Variants in TANGO6 observed in about 807,000 individuals in gnomAD.
TANGO6 encodes transport and golgi organization 6 homolog.
Under a neutral mutation model 114.2 loss-of-function variants are expected in TANGO6, and 90 were observed. The observed-to-expected ratio is 0.79, with a 90% confidence interval of 0.66 to 0.94. The LOEUF (loss-of-function observed/expected upper bound fraction) is 0.94, where lower values mean the gene tolerates loss of function less well. TANGO6 is among the 40% of genes least tolerant of loss of function. The pLI is 0.00. For missense variants in TANGO6, 1,274 were observed against 1,315.3 expected, an observed-to-expected ratio of 0.97 and a Z score of 0.49; for synonymous variants, 477 against 509.8, an observed-to-expected ratio of 0.94 and a Z score of 0.87.
intron 16 of TANGO6, among the ~76,000 whole-genome samples, chr16:69,025,217 A>G (rs941599996): frequency 2.0e-5 from 3 of 152,232 alleles, no homozygotes; most frequent in Non-Finnish European, 4.4e-5. Context: ...GCAGTTCCCA[A>G]GCTCTTATAC....
chr16:69,019,720 T>A (rs1959367865), intron 15 of TANGO6, among the ~76,000 whole-genome samples: 1 of 152,168 alleles, frequency 6.6e-6, no homozygotes, highest in Non-Finnish European at 1.5e-5. Context: ...TTTAGTTTTG[T>A]AGAGACAAAC....
At chr16:69,059,118 A>G (rs1050991172) in intron 17 of TANGO6, among the ~76,000 whole-genome samples, 23 of 148,180 alleles carry the variant, frequency 1.6e-4, no homozygotes, top group Admixed American at 2.1e-4. Flanking sequence ...TCTGTTGCCC[A>G]GGCTGGAGTG....
At chr16:68,931,919 A>G (rs1249712662) in intron 14 of TANGO6, among the ~76,000 whole-genome samples, 2 of 152,050 alleles carry the variant, frequency 1.3e-5, no homozygotes, top group Non-Finnish European at 2.9e-5. Context: ...CAGTGGCACA[A>G]TCTTGGCTCA....
intron 15 of TANGO6, among the ~76,000 whole-genome samples, chr16:69,021,379 C>T (rs1959402220): frequency 6.6e-6 from 1 of 152,170 alleles, no homozygotes; most frequent in African/African-American, 2.4e-5. Flanking sequence ...TTAAATGTCA[C>T]CTTCTCAATG....
intron 14 of TANGO6, among the ~76,000 whole-genome samples, chr16:68,961,488 C>T (rs1963590262): frequency 6.6e-6 from 1 of 152,194 alleles, no homozygotes; most frequent in Non-Finnish European, 1.5e-5. Context: ...TGGATGAATG[C>T]ATGTAAAGTG....
At chr16:68,878,699 A>G (rs1962409373) in intron 6 of TANGO6, among the ~76,000 whole-genome samples, 2 of 152,222 alleles carry the variant, frequency 1.3e-5, no homozygotes, top group Admixed American at 6.5e-5. Flanking sequence ...GCTTTGATAT[A>G]ATATACAAAT....
intron 15 of TANGO6, among the ~76,000 whole-genome samples, chr16:69,021,781 T>G (rs1959409648): frequency 6.6e-6 from 1 of 152,172 alleles, no homozygotes; most frequent in Non-Finnish European, 1.5e-5. Flanking sequence ...ACTTTTTGTT[T>G]GTGTGACCAT....
rs753196922 is a variant in TANGO6, at chr16:68,996,721, T to C, written c.2842+22553T>C. Among the ~76,000 whole-genome samples, 9 of 152,184 alleles carry C rather than the reference T, an allele frequency of 5.9e-5. No individual in the cohort carries two copies. The South Asian group carries it at 1.9e-3, about 32-fold the overall frequency. The stretch of plus-strand genomic sequence containing the variant: ...CAGTAACTGATTTAAGGAGGTCAAA[T>C]ATGTATTGCATCCTTTGACCATTTT... On this transcript the variant is annotated intron_variant, in intron 15 of 17. Transcript: ENST00000261778.
At position 68,863,009 on chromosome 16, in the gene TANGO6, A is replaced by G. The variant is rs946688538; in HGVS notation, c.800A>G (p.Tyr267Cys). 4 of 1,600,352 alleles carry G rather than the reference A, an allele frequency of 2.5e-6. No homozygotes were observed. The highest frequency in any genetic ancestry group is 1.3e-5 in the African/African-American group (1 of 74,660). ...TTGAGAGACATGCTGGATCAAGTCT[A>G]TCAGCCCTTAGCAGTCCGGGAACTG... Reference protein sequence around the residue: ...GALRDMLDQVYQPLAVRELLI... With the variant: ...GALRDMLDQVCQPLAVRELLI... The change falls in exon 3 of 18, where the codon TAT becomes TGT. Residue 267 changes from tyrosine to cysteine, a missense_variant. Around this residue, in one of 5 missense-constraint regions of TANGO6, gnomAD observed 908 missense variants for 910.2 expected, o/e 1.00. Transcript: ENST00000261778.
Position 68,875,172 on chromosome 16 carries a change from G to A in TANGO6, c.1013G>A (p.Ser338Asn), listed in dbSNP as rs1962334993. The A allele has an allele frequency of 1.9e-6, 3 of 1,611,506 alleles. No individual in the cohort carries two copies. The highest frequency in any genetic ancestry group is 2.2e-5 in the East Asian group (1 of 44,856). ...EGAGAGAAGG[S>N]DAEVTAADWK... is the part of the protein sequence containing the mutation. ...GTGCCAGCGGGAGCAGCTGGTGGAA[G>A]TGATGCTGAGGTGACGGCTGCTGAC... Residue 338 changes from serine (S) to asparagine (N), a missense_variant, in exon 5 of 18, where the codon AGT becomes AAT. Coordinates refer to ENST00000261778, the MANE Select transcript of TANGO6 (RefSeq NM_024562.2).
intron 14 of TANGO6, among the ~76,000 whole-genome samples, chr16:68,958,062 C>CAGGGAG: frequency 6.6e-6 from 1 of 151,688 alleles, no homozygotes; most frequent in Non-Finnish European, 1.5e-5. Context: ...ATCCCACCTA[C>CAGGGAG]TTGGGAGGCT....
chr16:68,985,429 G>A (rs935543737), intron 15 of TANGO6, among the ~76,000 whole-genome samples: 3 of 152,124 alleles, frequency 2.0e-5, no homozygotes, highest in Admixed American at 6.6e-5. Flanking sequence ...ATTTAGCACC[G>A]GCGGGTGCAG....
chr16:68,967,010 G>C (rs1963652651), intron 14 of TANGO6, among the ~76,000 whole-genome samples: 2 of 152,160 alleles, frequency 1.3e-5, no homozygotes, highest in South Asian at 4.1e-4. Flanking sequence ...GACTGCAAGT[G>C]ATCCACCTAC....
intron 16 of TANGO6, among the ~76,000 whole-genome samples, chr16:69,026,991 T>C (rs185783943): frequency 2.3e-4 from 35 of 152,244 alleles, no homozygotes; most frequent in African/African-American, 7.7e-4. Context: ...GCCTCCTGAG[T>C]AGCTGGGATT....
intron 17 of TANGO6, among the ~76,000 whole-genome samples, chr16:69,080,608 C>T (rs1441005884): frequency 6.6e-6 from 1 of 152,174 alleles, no homozygotes; most frequent in Non-Finnish European, 1.5e-5. Flanking sequence ...CTTGTAAACA[C>T]TTAGAAAATG....
chr16:68,894,143 G>T (rs1436715961), intron 7 of TANGO6, among the ~76,000 whole-genome samples: 2 of 152,210 alleles, frequency 1.3e-5, no homozygotes, highest in East Asian at 3.8e-4. Flanking sequence ...TTTGGCTATT[G>T]TAAGTGCTGG....
chr16:68,858,050 T>G lies in TANGO6; in HGVS notation c.95-1834T>G, dbSNP rs62055800. On this transcript the variant is annotated intron_variant, in intron 1 of 17. Coordinates refer to ENST00000261778, the MANE Select transcript of TANGO6 (RefSeq NM_024562.2). ...CAGTGAAACCATCTAGGCCTGAAAT[T>G]TTATCTCTCGGAAGATTTTTTTTTT... 6.8e-3 allele frequency among the ~76,000 whole-genome samples: 1,029 copies of G among 151,820 alleles called. 6 individuals are homozygous for G. Among genetic ancestry groups the G allele is most frequent in the Middle Eastern group, 0.014 (4 of 294 alleles).
At chr16:68,891,833 G>C (rs373183824) in intron 7 of TANGO6, among the ~76,000 whole-genome samples, 66 of 146,822 alleles carry the variant, frequency 4.5e-4, no homozygotes, top group Middle Eastern at 6.9e-3. Flanking sequence ...GGAGGAGGGA[G>C]GGAAAGGGAA....
chr16:68,949,387 G>A (rs1408431932), intron 14 of TANGO6, among the ~76,000 whole-genome samples: 2 of 152,060 alleles, frequency 1.3e-5, no homozygotes, highest in African/African-American at 2.4e-5. Flanking sequence ...TTGGGAGGCC[G>A]AGGCAGGCAG....
Sources: gnomAD v4.1 joint callset for allele counts (sites outside exome capture counted in the v4.1 genomes callset) on GRCh38, gnomAD v4.1.1 for gene constraint, gnomAD v4.1.1 regional missense constraint, MANE v1.5 for transcripts, NCBI Gene and HGNC (gene_info 2026-07-23, HGNC 2026-07-21) for gene names.